CD9: variants seen among roughly 807,000 people sequenced by gnomAD.
The protein encoded by CD9 is CD9 molecule.
In CD9, 10 loss-of-function variants were observed where a neutral mutation model predicts 31.4. The ratio of observed to expected loss-of-function variants is 0.32; its 90% CI spans 0.20 to 0.54. The LOEUF (loss-of-function observed/expected upper bound fraction) is 0.54. Ranked by LOEUF, CD9 falls within the 20% of genes least tolerant of loss-of-function variation. The pLI is 0.94. For missense variants in CD9, 259 were observed against 300.1 expected, an observed-to-expected ratio of 0.86 and a Z score of 1.01; for synonymous variants, 113 against 114.1, an observed-to-expected ratio of 0.99 and a Z score of 0.06.
chr12:6,232,424 C>T lies in CD9; in HGVS notation c.176-208C>T, dbSNP rs1946457848. The T allele has an allele frequency of 1.8e-5, 11 of 614,590 alleles. No homozygotes were observed. The highest frequency in any genetic ancestry group is 2.9e-5 in the Non-Finnish European group (10 of 344,524). The allele number at this position is 614,590 out of a possible 1,614,324, so 38.1% of individuals were successfully genotyped here. On this transcript the variant is annotated intron_variant, in intron 2 of 7. Transcript: ENST00000009180. The surrounding 1 kb of genome is among the most constrained non-coding windows in gnomAD (Gnocchi z 4.8). The stretch of plus-strand genomic sequence containing the variant: ...GAGCGTGAGCTTGATGAAGCAGAGT[C>T]ATGCAAGAGAGGCTGGTGGGAAGGA...
At chr12:6,207,400 C>T (rs1406923740) in intron 1 of CD9, among the ~76,000 whole-genome samples, 1 of 152,224 alleles carries the variant, frequency 6.6e-6, no homozygotes, top group African/African-American at 2.4e-5. Context: ...GCTGGCCTCC[C>T]ACCCATCCCT....
At chr12:6,219,643 G>A (rs756584022) in intron 1 of CD9, among the ~76,000 whole-genome samples, 1 of 151,840 alleles carries the variant, frequency 6.6e-6, no homozygotes, top group Non-Finnish European at 1.5e-5. Context: ...CCGCCACCAC[G>A]CCCGGCTAAT....
At chr12:6,223,355 G>A (rs372013736) in intron 1 of CD9, among the ~76,000 whole-genome samples, 13 of 151,770 alleles carry the variant, frequency 8.6e-5, no homozygotes, top group East Asian at 7.8e-4. Context: ...TCCGCCTCCC[G>A]GGCTCACGCC....
intron 1 of CD9, among the ~76,000 whole-genome samples, chr12:6,224,555 G>A (rs1222612652): frequency 6.6e-6 from 1 of 152,202 alleles, no homozygotes; most frequent in Non-Finnish European, 1.5e-5. Flanking sequence ...CGAGAACCAA[G>A]GTCCCTGATG....
At chr12:6,207,842 C>T (rs10849419) in intron 1 of CD9, among the ~76,000 whole-genome samples, 61,531 of 152,014 alleles carry the variant, frequency 0.4, 13,032 homozygotes, top group Admixed American at 0.53. Context: ...ATCAGAAACC[C>T]GGGTCTTAAG....
At chr12:6,222,727 A>G (rs1333431500) in intron 1 of CD9, among the ~76,000 whole-genome samples, 1 of 152,166 alleles carries the variant, frequency 6.6e-6, no homozygotes, top group Non-Finnish European at 1.5e-5. Flanking sequence ...TCTCTATAAG[A>G]TGGAAGGGGC....
intron 7 of CD9, 97 bp from the exon 8 acceptor site, chr12:6,237,666 C>T: frequency 1.2e-6 from 1 of 866,110 alleles, no homozygotes; most frequent in Non-Finnish European, 1.9e-6. Context: ...TTCTCCTTGT[C>T]ATTTTTCTTG....
chr12:6,234,445 T>G (rs929625571), intron 4 of CD9: 9 of 151,942 alleles, frequency 5.9e-5, no homozygotes, highest in African/African-American at 2.2e-4. Flanking sequence ...CTCACTACTT[T>G]TAGCCCAGCC....
chr12:6,206,301 G>A lies in CD9; in HGVS notation c.66+5736G>A, dbSNP rs1242983428. On this transcript the variant is annotated intron_variant, in intron 1 of 7. Coordinates refer to ENST00000009180, the MANE Select transcript of CD9 (RefSeq NM_001769.4). ...TAACAATCATGGCTCATGGCTCACT[G>A]CAAACTCAACCTCCCAGCTCAGGCG... Among the ~76,000 whole-genome samples the A allele has an allele frequency of 2.6e-5, 4 of 151,592 alleles. No homozygotes were observed. In the East Asian group the frequency reaches 7.8e-4, roughly 29 times the overall value.
intron 1 of CD9, among the ~76,000 whole-genome samples, chr12:6,209,033 A>G (rs916069957): frequency 1.3e-5 from 2 of 151,778 alleles, no homozygotes; most frequent in Admixed American, 6.5e-5. Context: ...CAGTGGCGCA[A>G]TCTTGGCATA....
At chr12:6,208,589 G>A (rs74685726) in intron 1 of CD9, among the ~76,000 whole-genome samples, 153 of 148,698 alleles carry the variant, frequency 1.0e-3, no homozygotes, top group Non-Finnish European at 1.9e-3. Context: ...TTTTTTTTTT[G>A]AGGTGGAGTT....
At chr12:6,220,465 CGCCA>C in intron 1 of CD9, among the ~76,000 whole-genome samples, 1 of 152,200 alleles carries the variant, frequency 6.6e-6, no homozygotes, top group Middle Eastern at 3.4e-3. Context: ...GTGGTTAAGA[CGCCA>C]GCTCAGGGGT....
At chr12:6,223,820 T>A (rs987465215) in intron 1 of CD9, among the ~76,000 whole-genome samples, 2 of 152,110 alleles carry the variant, frequency 1.3e-5, no homozygotes, top group African/African-American at 4.8e-5. Flanking sequence ...CTCACGCTTC[T>A]CCCCAACCAA....
At chr12:6,234,546 T>C (rs1946491293) in intron 4 of CD9, 1 of 150,692 alleles carries the variant, frequency 6.6e-6, no homozygotes, top group Non-Finnish European at 1.5e-5. Context: ...TTGTGAAAAA[T>C]GTCAGACAGA....
chr12:6,232,585 C>T lies in CD9; in HGVS notation c.176-47C>T. ...GGAATTGCCGGAGATGCCTGGGCCT[C>T]TGAACTGATGTCTCCACGCGTGTGT... On this transcript the variant is annotated intron_variant, in intron 2 of 7. Coordinates refer to ENST00000009180, the MANE Select transcript of CD9 (RefSeq NM_001769.4). The surrounding 1 kb of genome is among the most constrained non-coding windows in gnomAD (Gnocchi z 4.8). 1 of 1,245,540 alleles carries T rather than the reference C, an allele frequency of 8.0e-7. No individual in the cohort carries two copies. The highest frequency in any genetic ancestry group is 1.1e-6 in the Non-Finnish European group (1 of 874,734). 77.2% of individuals were successfully genotyped at this position (1,245,540 alleles called of 1,614,324 possible). A position where few individuals can be genotyped will look rare whatever the true frequency, so the allele number is the denominator to read the frequency against.
chr12:6,209,679 CTTTT>C (rs71064199), intron 1 of CD9, among the ~76,000 whole-genome samples: 5 of 132,634 alleles, frequency 3.8e-5, no homozygotes, highest in African/African-American at 1.5e-4. Context: ...CTGCAAATTT[CTTTT>C]TTTTTTTTTT....
chr12:6,214,377 G>A (rs1260593453), intron 1 of CD9, among the ~76,000 whole-genome samples: 1 of 107,030 alleles, frequency 9.3e-6, no homozygotes, highest in African/African-American at 3.4e-5. Context: ...TTGAGATGGG[G>A]TCTCTGTCAC....
chr12:6,200,351 C>G, upstream of CD9: 1 of 438,582 alleles, frequency 2.3e-6, no homozygotes, highest in Non-Finnish European at 4.2e-6. Flanking sequence ...GCGGGTCGCG[C>G]GCCCTAAGGA....
intron 1 of CD9, among the ~76,000 whole-genome samples, chr12:6,213,633 C>G (rs1455699500): frequency 6.6e-6 from 1 of 152,230 alleles, no homozygotes; most frequent in African/African-American, 2.4e-5. Context: ...GTAGAATTTT[C>G]TGGACACCTA....
Sources: gnomAD v4.1 joint callset for allele counts (sites outside exome capture counted in the v4.1 genomes callset) on GRCh38, gnomAD v4.1.1 for gene constraint, Gnocchi (gnomAD v3.1) non-coding constraint, MANE v1.5 for transcripts, NCBI Gene and HGNC (gene_info 2026-07-23, HGNC 2026-07-21) for gene names.